The following NRG1 variants were observed in gnomAD, a reference collection of about 807,000 sequenced individuals.
NRG1 encodes neuregulin 1.
NRG1 carries 18 observed loss-of-function variants against 63.8 expected under a neutral mutation model. That is an observed-to-expected ratio of 0.28 (90% confidence interval 0.19 to 0.42). The LOEUF is 0.42. NRG1 is among the 10% of genes least tolerant of loss of function. The pLI, the probability that NRG1 is intolerant of heterozygous loss-of-function variation, is 1.00. For missense variants in NRG1, 762 were observed against 814.7 expected, an observed-to-expected ratio of 0.94 and a Z score of 0.79; for synonymous variants, 302 against 301.3, an observed-to-expected ratio of 1.00 and a Z score of -0.02.
intron 1 of NRG1, among the ~76,000 whole-genome samples, chr8:32,388,749 G>C (rs1419824534): frequency 2.0e-5 from 3 of 151,176 alleles, no homozygotes; most frequent in Non-Finnish European, 4.4e-5. Flanking sequence ...TCAGCTTTCT[G>C]CCTTTTCTCA....
intron 1 of NRG1, among the ~76,000 whole-genome samples, chr8:32,407,986 T>C (rs1191847600): frequency 9.2e-5 from 14 of 152,186 alleles, no homozygotes; most frequent in Admixed American, 9.2e-4. Flanking sequence ...AGAGTCATCC[T>C]GCTGCATTTC....
intron 1 of NRG1, among the ~76,000 whole-genome samples, chr8:31,853,740 C>T (rs1011818530): frequency 1.9e-4 from 29 of 151,730 alleles, no homozygotes; most frequent in African/African-American, 5.8e-4. Flanking sequence ...ATGATATTGG[C>T]TGTGGGTTTG....
chr8:32,607,374 G>T (rs2129539907), intron 3 of NRG1, among the ~76,000 whole-genome samples: 1 of 152,098 alleles, frequency 6.6e-6, no homozygotes, highest in Non-Finnish European at 1.5e-5. Flanking sequence ...ATAGTTAATG[G>T]TATTCAATTG....
At chr8:32,212,290 G>A (rs768253522) in intron 1 of NRG1, among the ~76,000 whole-genome samples, 1 of 152,076 alleles carries the variant, frequency 6.6e-6, no homozygotes, top group Non-Finnish European at 1.5e-5. Context: ...TTAAAATAGC[G>A]TCAGGCAATT....
Position 32,397,950 on chromosome 8 carries a change from C to T in NRG1, c.38-197878C>T, listed in dbSNP as rs576954700. ...AGACATGTACCTTCCAAACTGCACA[C>T]TTATTGTGTTTTCACTTTCTTATCA... On this transcript the variant is annotated intron_variant, in intron 1 of 10. Transcript: ENST00000519301. Among the ~76,000 whole-genome samples the T allele has an allele frequency of 5.3e-5, 8 of 152,228 alleles. No homozygotes were observed. In the East Asian group the frequency reaches 7.7e-4, roughly 15 times the overall value.
intron 1 of NRG1, among the ~76,000 whole-genome samples, chr8:31,971,820 G>A (rs1264799573): frequency 6.6e-6 from 1 of 151,986 alleles, no homozygotes; most frequent in Non-Finnish European, 1.5e-5. Context: ...ATTATCCAAG[G>A]TGTGGGCTCT....
intron 1 of NRG1, among the ~76,000 whole-genome samples, chr8:32,201,285 A>G (rs888002202): frequency 6.6e-6 from 1 of 152,190 alleles, no homozygotes; most frequent in Admixed American, 6.5e-5. Flanking sequence ...AGGAAATGGA[A>G]TGGAAGTGTG....
intron 1 of NRG1, among the ~76,000 whole-genome samples, chr8:32,493,383 A>G (rs1242390700): frequency 1.3e-5 from 2 of 152,146 alleles, no homozygotes; most frequent in African/African-American, 4.8e-5. Context: ...AGAAAATAAC[A>G]AACTTCAGAT....
At chr8:32,462,704 G>A (rs10954846) in intron 1 of NRG1, among the ~76,000 whole-genome samples, 76,191 of 148,648 alleles carry the variant, frequency 0.51, 19,688 homozygotes, top group Admixed American at 0.58. Context: ...CCTGGGTTCA[G>A]ATGATTCTCC....
intron 1 of NRG1, among the ~76,000 whole-genome samples, chr8:31,790,631 T>C (rs2131660070): frequency 6.6e-6 from 1 of 152,322 alleles, no homozygotes; most frequent in East Asian, 1.9e-4. Flanking sequence ...GGAAAAATGA[T>C]GATGTTTTAT....
intron 1 of NRG1, among the ~76,000 whole-genome samples, chr8:31,989,095 A>G (rs966441596): frequency 4.6e-5 from 7 of 151,496 alleles, no homozygotes; most frequent in African/African-American, 1.7e-4. Flanking sequence ...CTAAAAATAC[A>G]AAAATTAGCT....
intron 1 of NRG1, among the ~76,000 whole-genome samples, chr8:31,926,575 A>T (rs952830706): frequency 6.6e-6 from 1 of 152,148 alleles, no homozygotes; most frequent in African/African-American, 2.4e-5. Flanking sequence ...TTTGCATTTT[A>T]AAAAGATTTT....
chr8:31,940,001 A>C (rs1240547183), intron 1 of NRG1, among the ~76,000 whole-genome samples: 1 of 152,146 alleles, frequency 6.6e-6, no homozygotes, highest in Non-Finnish European at 1.5e-5. Context: ...ACAGCACTAA[A>C]CTGGTCATCA....
intron 5 of NRG1, among the ~76,000 whole-genome samples, chr8:32,699,940 C>T (rs1285412105): frequency 6.6e-6 from 1 of 152,076 alleles, no homozygotes; most frequent in African/African-American, 2.4e-5. Flanking sequence ...GTATAAGTTA[C>T]ACGTTATAAG....
intron 1 of NRG1, among the ~76,000 whole-genome samples, chr8:32,415,365 C>CA (rs5890647): frequency 0.26 from 29,432 of 115,012 alleles, 3,601 homozygotes; most frequent in Middle Eastern, 0.38. Context: ...GACTCTGTCT[C>CA]AAAAAAAAAA....
intron 1 of NRG1, among the ~76,000 whole-genome samples, chr8:32,563,849 T>C (rs1836913221): frequency 6.6e-6 from 1 of 152,200 alleles, no homozygotes; most frequent in South Asian, 2.1e-4. Context: ...AACAGAAGAA[T>C]CGTAACATTA....
intron 5 of NRG1, among the ~76,000 whole-genome samples, chr8:32,635,397 C>T (rs1013151069): frequency 5.3e-5 from 8 of 152,172 alleles, no homozygotes; most frequent in Non-Finnish European, 1.2e-4. Flanking sequence ...AAAAGCAGGT[C>T]ATCCTGAGGT....
At chr8:32,753,389 A>G (rs540080160) in intron 7 of NRG1, among the ~76,000 whole-genome samples, 2 of 152,356 alleles carry the variant, frequency 1.3e-5, no homozygotes, top group Admixed American at 6.5e-5. Flanking sequence ...AAAAACTTCT[A>G]TGAATTAGAG....
intron 1 of NRG1, among the ~76,000 whole-genome samples, chr8:31,998,119 C>A (rs1812317262): frequency 6.6e-6 from 1 of 151,932 alleles, no homozygotes; most frequent in Non-Finnish European, 1.5e-5. Flanking sequence ...CAATCATAAT[C>A]TTGGTGCATT....
Sources: allele counts gnomAD v4.1 joint callset (sites outside exome capture counted in the v4.1 genomes callset), GRCh38; gene constraint gnomAD v4.1.1; transcripts MANE v1.5; gene names NCBI Gene and HGNC (gene_info 2026-07-23, HGNC 2026-07-21).